The following ZAP70 variants were observed in gnomAD, a reference collection of about 807,000 sequenced individuals.
The protein encoded by ZAP70 is zeta chain of T cell receptor associated protein kinase 70.
A neutral mutation model predicts 65.8 loss-of-function variants in ZAP70; 27 were observed. The observed-to-expected ratio is 0.41, with a 90% CI of 0.30 to 0.57. ZAP70 has a LOEUF of 0.57. Ranked by LOEUF, ZAP70 falls within the 20% of genes least tolerant of loss-of-function variation. The probability of loss-of-function intolerance (pLI) is 0.28; values close to 1 mark genes in which losing one functional copy is unlikely to be tolerated. For missense variants in ZAP70, 696 were observed against 870.5 expected (o/e 0.80, Z 2.52); for synonymous variants, 363 against 360.8 (o/e 1.01, Z -0.07).
At chr2:97,721,964 T>C (rs963622204) in intron 2 of ZAP70, among the ~76,000 whole-genome samples, 4 of 151,894 alleles carry the variant, frequency 2.6e-5, no homozygotes, top group African/African-American at 9.7e-5. Context: ...TTTGTATTTT[T>C]AGTAGAGACG....
intron 2 of ZAP70, among the ~76,000 whole-genome samples, chr2:97,723,199 TGC>T (rs1677226653): frequency 6.6e-6 from 1 of 152,264 alleles, no homozygotes; most frequent in Non-Finnish European, 1.5e-5. Flanking sequence ...TAAACCCTAA[TGC>T]ATTTAACCAG....
chr2:97,749,252 G>A, the ZAP70 span, among the ~76,000 whole-genome samples: 4 of 152,088 alleles, frequency 2.6e-5, no homozygotes, highest in East Asian at 1.9e-4. Flanking sequence ...CTCGGGATCC[G>A]CCTGCCTCGG....
At chr2:97,724,916 T>C in intron 3 of ZAP70, 176 bp from the exon 4 acceptor site, 2 of 1,533,606 alleles carry the variant, frequency 1.3e-6, no homozygotes, top group Non-Finnish European at 1.7e-6. Flanking sequence ...CCTCCCTAGC[T>C]GGATTGGGGA....
At chr2:97,751,391 G>A in the ZAP70 span, among the ~76,000 whole-genome samples, 2 of 152,172 alleles carry the variant, frequency 1.3e-5, no homozygotes, top group Non-Finnish European at 2.9e-5. Context: ...GCTTCAAACT[G>A]TATACAGTGG....
At chr2:97,741,253 T>A (rs1678119378), downstream of ZAP70, among the ~76,000 whole-genome samples, 1 of 152,128 alleles carries the variant, frequency 6.6e-6, no homozygotes, top group South Asian at 2.1e-4. Flanking sequence ...TTCCCAACAG[T>A]CCCCTGGAAG....
the ZAP70 span, among the ~76,000 whole-genome samples, chr2:97,751,840 C>G: frequency 6.6e-6 from 1 of 152,182 alleles, no homozygotes; most frequent in African/African-American, 2.4e-5. Context: ...GTGCCAAGCT[C>G]TTTTCAACAA....
intron 4 of ZAP70, 36 bp from the exon 5 acceptor site, chr2:97,732,847 G>A: frequency 6.2e-7 from 1 of 1,612,956 alleles, no homozygotes; most frequent in Non-Finnish European, 8.5e-7. Flanking sequence ...CCCCCAGGTG[G>A]CTCTAGGGGT....
At chr2:97,754,364 T>C in the ZAP70 span, among the ~76,000 whole-genome samples, 1 of 152,172 alleles carries the variant, frequency 6.6e-6, no homozygotes, top group Non-Finnish European at 1.5e-5. Context: ...ATTCCTGAGA[T>C]ACTCTTTCTG....
chr2:97,749,298 C>G, the ZAP70 span, among the ~76,000 whole-genome samples: 1 of 152,180 alleles, frequency 6.6e-6, no homozygotes, highest in African/African-American at 2.4e-5. Flanking sequence ...CATGAGGCAC[C>G]GCGCCCGGCT....
chr2:97,730,402 T>A (rs1677552890), intron 4 of ZAP70, among the ~76,000 whole-genome samples: 1 of 152,182 alleles, frequency 6.6e-6, no homozygotes, highest in Non-Finnish European at 1.5e-5. Context: ...GTCTCTGGGA[T>A]GGCCTCACTC....
In ZAP70 at chr2:97,731,054, CAAA is replaced by C. The variant is rs56688476; in HGVS notation, c.564-1810_564-1808del. ...CGGGCTGTGGAGCGAGACTCGGTCT[CAAA>C]AAAAAAAAAAAAAAAAAAGAGACAG... On this transcript the variant is annotated intron_variant, in intron 4 of 13. Transcript: ENST00000264972. The surrounding 1 kb of genome is among the most constrained non-coding windows in gnomAD (Gnocchi z 4.0). Among the ~76,000 whole-genome samples the C allele has an allele frequency of 1.9e-5, 1 of 52,418 alleles. No individual in the cohort carries two copies. The allele number at this position is 52,418 out of a possible 152,430, so 34.4% of individuals were successfully genotyped here.
At chr2:97,723,407 T>G (rs892370326) in intron 2 of ZAP70, among the ~76,000 whole-genome samples, 1 of 152,264 alleles carries the variant, frequency 6.6e-6, no homozygotes, top group African/African-American at 2.4e-5. Flanking sequence ...CAGTCCTCTC[T>G]GCCTGATGCG....
Position 97,718,387 on chromosome 2 carries a change from C to T in ZAP70, c.-22+4393C>T, listed in dbSNP as rs147626767. ...CCCCCGGACTTTTCATCTCTGCCAC[C>T]TCTGCCCACCTTCTCTGGCCTCCCC... is the stretch of plus-strand genomic sequence containing the variant. On this transcript the variant is annotated intron_variant, in intron 2 of 13. Coordinates refer to ENST00000264972, the MANE Select transcript of ZAP70 (RefSeq NM_001079.4). 1.5e-3 allele frequency among the ~76,000 whole-genome samples: 224 copies of T among 152,342 alleles called. 1 individual carries two copies. Among genetic ancestry groups the T allele is most frequent in the African/African-American group, 5.1e-3 (212 of 41,592 alleles).
chr2:97,738,223 C>G (rs942175214), intron 13 of ZAP70, 116 bp downstream of exon 13: 1 of 1,068,182 alleles, frequency 9.4e-7, no homozygotes, highest in African/African-American at 1.6e-5. Context: ...GCCCTTCACC[C>G]AGTTCATAGC....
At chr2:97,750,211 C>T in the ZAP70 span, among the ~76,000 whole-genome samples, 245 of 152,332 alleles carry the variant, frequency 1.6e-3, 3 homozygotes, top group South Asian at 0.021. Flanking sequence ...ATGGTCAACG[C>T]CCTTCCCCGC....
At chr2:97,745,111 T>C in the ZAP70 span, among the ~76,000 whole-genome samples, 368 of 152,370 alleles carry the variant, frequency 2.4e-3, 1 homozygote, top group African/African-American at 8.6e-3. Context: ...CAATCTCGGC[T>C]CACTACAATC....
chr2:97,738,498 A>G (rs1470704993), intron 13 of ZAP70: 5 of 303,902 alleles, frequency 1.6e-5, no homozygotes, highest in Admixed American at 1.3e-4. Context: ...ACAGCACCCA[A>G]CTACCAGACA....
the ZAP70 span, among the ~76,000 whole-genome samples, chr2:97,751,559 A>G: frequency 6.6e-6 from 1 of 152,250 alleles, no homozygotes; most frequent in Non-Finnish European, 1.5e-5. Context: ...GGACTGGAGA[A>G]AACAAGGACA....
downstream of ZAP70, among the ~76,000 whole-genome samples, chr2:97,744,390 T>G (rs1046078280): frequency 6.6e-6 from 1 of 152,252 alleles, no homozygotes; most frequent in Non-Finnish European, 1.5e-5. Context: ...CCCTGGACTC[T>G]GCAGTCTGGC....
Sources: gnomAD v4.1 joint callset for allele counts (sites outside exome capture counted in the v4.1 genomes callset) on GRCh38, gnomAD v4.1.1 for gene constraint, Gnocchi (gnomAD v3.1) non-coding constraint, MANE v1.5 for transcripts, NCBI Gene and HGNC (gene_info 2026-07-23, HGNC 2026-07-21) for gene names.